INPP5D: variants seen among roughly 807,000 people sequenced by gnomAD.
INPP5D encodes the protein inositol polyphosphate-5-phosphatase D, also known as phosphatidylinositol 3,4,5-trisphosphate 5-phosphatase 1.
Under a neutral mutation model 122.9 loss-of-function variants are expected in INPP5D, and 33 were observed. The ratio of observed to expected loss-of-function variants is 0.27; its 90% CI spans 0.20 to 0.36. The LOEUF is 0.36. Ranked by LOEUF, INPP5D falls within the 10% of genes least tolerant of loss-of-function variation. The probability of loss-of-function intolerance (pLI) is 1.00; values close to 1 mark genes in which losing one functional copy is unlikely to be tolerated. For missense variants in INPP5D, 1,053 were observed against 1,412.7 expected (o/e 0.75, Z 4.08); for synonymous variants, 584 against 576.2 (o/e 1.01, Z -0.19).
chr2:233,134,980 G>A (rs905225094), intron 5 of INPP5D, among the ~76,000 whole-genome samples: 2 of 152,054 alleles, frequency 1.3e-5, no homozygotes, highest in Non-Finnish European at 2.9e-5. Context: ...ATGAGGAAAT[G>A]TGTGGTAAAA....
intron 24 of INPP5D, among the ~76,000 whole-genome samples, 188 bp downstream of exon 24, chr2:233,195,683 CA>C (rs996915448): frequency 2.4e-4 from 37 of 151,986 alleles, no homozygotes; most frequent in African/African-American, 7.0e-4. Context: ...CCTGTCTCTA[CA>C]AAAAAAATGT....
Position 233,171,166 on chromosome 2 carries a change from A to G in INPP5D, c.1989+14A>G. ...AAAGCGACAGGGGTGAGTCCTCTTC[A>G]TAGACACCTTCCCTGCCCTCCATCT... is the stretch of plus-strand genomic sequence containing the variant. On this transcript the variant is annotated intron_variant, in intron 17 of 26. Transcript: ENST00000445964. 1.2e-6 allele frequency: 2 copies of G among 1,613,262 alleles called. No homozygotes were observed. Among genetic ancestry groups the G allele is most frequent in the East Asian group, 2.2e-5 (1 of 44,852 alleles).
chr2:233,129,537 A>G (rs953264206), intron 4 of INPP5D, among the ~76,000 whole-genome samples: 2 of 152,166 alleles, frequency 1.3e-5, no homozygotes, highest in African/African-American at 2.4e-5. Flanking sequence ...ACCAGGGTTG[A>G]TCTGCACAGT....
chr2:233,070,215 A>G (rs1327872698), intron 1 of INPP5D, among the ~76,000 whole-genome samples: 1 of 152,128 alleles, frequency 6.6e-6, no homozygotes, highest in Non-Finnish European at 1.5e-5. Flanking sequence ...CTTGTTGCAA[A>G]TATTTTCATT....
chr2:233,071,886 T>C (rs902094818), intron 1 of INPP5D, among the ~76,000 whole-genome samples: 6 of 152,232 alleles, frequency 3.9e-5, no homozygotes, highest in African/African-American at 1.4e-4. Flanking sequence ...TCAAATTGTT[T>C]TTTGGTTGCT....
intron 2 of INPP5D, among the ~76,000 whole-genome samples, chr2:233,102,882 C>T (rs1692358721): frequency 6.6e-6 from 1 of 150,840 alleles, no homozygotes; most frequent in Admixed American, 6.6e-5. Flanking sequence ...AAAACCACAG[C>T]GCCTTCTCAC....
intron 25 of INPP5D, among the ~76,000 whole-genome samples, chr2:233,199,433 G>A (rs2106326969): frequency 6.7e-6 from 1 of 148,964 alleles, no homozygotes; most frequent in East Asian, 2.0e-4. Context: ...CTACTCAAGA[G>A]GCTGAGGCAG....
chr2:233,184,990 G>A (rs1050558779), intron 20 of INPP5D, among the ~76,000 whole-genome samples: 2 of 152,134 alleles, frequency 1.3e-5, no homozygotes, highest in Non-Finnish European at 2.9e-5. Flanking sequence ...GCGTCCGAAA[G>A]CAAGCAGGAG....
chr2:233,180,875 T>C (rs113230465), intron 18 of INPP5D, among the ~76,000 whole-genome samples: 4,929 of 140,690 alleles, frequency 0.035, 315 homozygotes, highest in Middle Eastern at 0.058. Context: ...GGTTTTGCCA[T>C]GTTGGCCAGG....
chr2:233,081,777 C>CCAGAAGA (rs1691696923), intron 2 of INPP5D, among the ~76,000 whole-genome samples: 1 of 151,948 alleles, frequency 6.6e-6, no homozygotes, highest in African/African-American at 2.4e-5. Flanking sequence ...GGGGTCTGCA[C>CCAGAAGA]GCAGCTTCTC....
intron 9 of INPP5D, among the ~76,000 whole-genome samples, chr2:233,151,107 G>A (rs1462281430): frequency 6.6e-6 from 1 of 152,084 alleles, no homozygotes; most frequent in Non-Finnish European, 1.5e-5. Flanking sequence ...TCTCCTTTGT[G>A]GAAACAGATC....
chr2:233,174,820 T>TA (rs1694577786), intron 17 of INPP5D, among the ~76,000 whole-genome samples: 1 of 146,122 alleles, frequency 6.8e-6, no homozygotes, highest in Non-Finnish European at 1.5e-5. Context: ...AGGACTTAAC[T>TA]AACTGTTAGG....
Position 233,094,512 on chromosome 2 carries a change from C to CAAAAAAAAAAAAAAAAAAAA in INPP5D, c.198+15125_198+15144dup, listed in dbSNP as rs58284775. Among the ~76,000 whole-genome samples, 16 of 34,972 alleles carry CAAAAAAAAAAAAAAAAAAAA rather than the reference C, an allele frequency of 4.6e-4. 7 individuals carry two copies. The highest frequency in any genetic ancestry group is 5.3e-4 in the Non-Finnish European group (11 of 20,804). The allele number at this position is 34,972 out of a possible 152,430, so 22.9% of individuals were successfully genotyped here. A position where few individuals can be genotyped will look rare whatever the true frequency, so the allele number is the denominator to read the frequency against. On this transcript the variant is annotated intron_variant, in intron 2 of 26. Coordinates refer to ENST00000445964, the MANE Select transcript of INPP5D (RefSeq NM_001017915.3). ...TGGGCAATAGAGCAAGACTCCATCC[C>CAAAAAAAAAAAAAAAAAAAA]AAAAAAAAAAAAAAAAAAAAAAAAA...
chr2:233,196,169 C>T (rs1403444502), intron 24 of INPP5D, among the ~76,000 whole-genome samples: 1 of 152,100 alleles, frequency 6.6e-6, no homozygotes, highest in Non-Finnish European at 1.5e-5. Flanking sequence ...AAACCCAGGG[C>T]CTGTGAGAAG....
At chr2:233,200,084 C>T (rs185055925) in intron 25 of INPP5D, among the ~76,000 whole-genome samples, 124 of 152,298 alleles carry the variant, frequency 8.1e-4, no homozygotes, top group African/African-American at 2.7e-3. Flanking sequence ...AGAGGAGGCC[C>T]GGCCCTGAAA....
intron 2 of INPP5D, among the ~76,000 whole-genome samples, chr2:233,115,159 G>A (rs1017829000): frequency 2.0e-5 from 3 of 152,142 alleles, no homozygotes; most frequent in Admixed American, 6.5e-5. Flanking sequence ...GAGCCATCGC[G>A]CCTGGCCTGT....
chr2:233,170,569 C>G lies in INPP5D; in HGVS notation c.1865C>G (p.Thr622Arg). Residue 622 changes from threonine (T) to arginine (R), a missense_variant, in exon 16 of 27, where the codon ACA (threonine) becomes AGA (arginine). Thr to Arg is a moderately conservative substitution (Grantham distance 71, BLOSUM62 -1). Transcript: ENST00000445964. The surrounding 1 kb of genome is among the most constrained non-coding windows in gnomAD (Gnocchi z 4.5). The stretch of plus-strand genomic sequence containing the variant: ...CTCCTGTCCCACGACCAGCTGCTCA[C>G]AGAGAGGAGGGAGCAGAAGGTCTTC... Reference protein sequence around the residue: ...ADLLSHDQLLTERREQKVFLH... With the variant: ...ADLLSHDQLLRERREQKVFLH... The G allele has an allele frequency of 6.2e-7, 1 of 1,613,648 alleles. No individual in the cohort carries two copies. The highest frequency in any genetic ancestry group is 8.5e-7 in the Non-Finnish European group (1 of 1,179,768).
intron 5 of INPP5D, among the ~76,000 whole-genome samples, chr2:233,135,146 A>G (rs952894863): frequency 1.3e-5 from 2 of 152,166 alleles, no homozygotes; most frequent in South Asian, 2.1e-4. Flanking sequence ...GAGAAGCTCC[A>G]TAATGATCCA....
intron 2 of INPP5D, 121 bp downstream of exon 2, chr2:233,079,519 G>A (rs1691615105): frequency 1.4e-6 from 1 of 707,180 alleles, no homozygotes; most frequent in African/African-American, 1.7e-5. Context: ...GCCTGGCTGA[G>A]CCTGGCTTCC....
Sources: allele counts gnomAD v4.1 joint callset (sites outside exome capture counted in the v4.1 genomes callset), GRCh38; gene constraint gnomAD v4.1.1; non-coding constraint Gnocchi (gnomAD v3.1); transcripts MANE v1.5; gene names NCBI Gene and HGNC (gene_info 2026-07-23, HGNC 2026-07-21).